Variants in SCFD2 observed in about 807,000 individuals in gnomAD.
SCFD2 encodes sec1 family domain containing 2, also known as sec1 family domain-containing protein 2.
Under a neutral mutation model 58.9 loss-of-function variants are expected in SCFD2, and 54 were observed. The ratio of observed to expected loss-of-function variants is 0.92; its 90% CI spans 0.74 to 1.15. The LOEUF is 1.15. Among genes scored for constraint, SCFD2 ranks in the 50% most tolerant of loss-of-function variants. The pLI is 0.00. For synonymous variants in SCFD2, 321 were observed against 335.9 expected (o/e 0.96, Z 0.49); for missense variants, 805 against 836.6 (o/e 0.96, Z 0.47).
intron 3 of SCFD2, among the ~76,000 whole-genome samples, chr4:53,308,052 T>C (rs1450287000): frequency 1.3e-5 from 2 of 152,172 alleles, no homozygotes; most frequent in Admixed American, 1.3e-4. Context: ...AGTGGGAGTT[T>C]AGATCTGAGA....
intron 5 of SCFD2, chr4:52,957,749 A>G (rs2109537299): frequency 6.6e-6 from 1 of 152,386 alleles, no homozygotes; most frequent in East Asian, 1.9e-4. Flanking sequence ...TTTTGTCCAG[A>G]GAGGCAAGAC....
chr4:53,205,969 C>T (rs1232227060), intron 4 of SCFD2, among the ~76,000 whole-genome samples: 1 of 151,932 alleles, frequency 6.6e-6, no homozygotes, highest in African/African-American at 2.4e-5. Context: ...AATCATAGAA[C>T]TTTACAACTC....
chr4:52,889,085 C>A (rs79105428), intron 7 of SCFD2, among the ~76,000 whole-genome samples: 5,930 of 152,226 alleles, frequency 0.039, 427 homozygotes, highest in African/African-American at 0.14. Context: ...TCCCAGATGA[C>A]GTTCTATTCA....
chr4:52,879,245 C>T (rs1257587006), intron 8 of SCFD2, among the ~76,000 whole-genome samples: 2 of 152,202 alleles, frequency 1.3e-5, no homozygotes, highest in Admixed American at 6.5e-5. Context: ...ACCTGCCCTG[C>T]ACCATCTACC....
intron 3 of SCFD2, among the ~76,000 whole-genome samples, chr4:53,280,334 G>A (rs1261851408): frequency 6.6e-6 from 1 of 152,104 alleles, no homozygotes; most frequent in Non-Finnish European, 1.5e-5. Flanking sequence ...TGGCCAACAT[G>A]GCGAAACCCC....
rs1317983754 is a variant in SCFD2 at position 53,203,537 on chromosome 4, G to A, written c.1312-57955C>T. ...AAGAAAAACAAAAAAAAGTTTTGTT[G>A]TTTTTTTATACATTAATAAACCCAC... On this transcript the variant is annotated intron_variant, in intron 4 of 8. Coordinates refer to ENST00000401642, the MANE Select transcript of SCFD2 (RefSeq NM_152540.4). Among the ~76,000 whole-genome samples the A allele has an allele frequency of 5.3e-5, 8 of 151,612 alleles. No individual in the cohort carries two copies. The East Asian group carries it at 1.4e-3, about 26-fold the overall frequency.
chr4:53,199,300 T>C lies in SCFD2; in HGVS notation c.1312-53718A>G, dbSNP rs1349311294. 5.9e-5 allele frequency among the ~76,000 whole-genome samples: 9 copies of C among 152,166 alleles called. No homozygotes were observed. In the East Asian group the frequency reaches 1.5e-3, roughly 26 times the overall value. ...CACCCTGACATACTACATAAAATGC[T>C]TGCTTATTTTCTTGCTTCTCTCCCT... On this transcript the variant is annotated intron_variant, in intron 4 of 8. Coordinates refer to ENST00000401642, the MANE Select transcript of SCFD2 (RefSeq NM_152540.4).
At chr4:52,908,833 G>A (rs752082448) in intron 6 of SCFD2, among the ~76,000 whole-genome samples, 1 of 152,160 alleles carries the variant, frequency 6.6e-6, no homozygotes, top group African/African-American at 2.4e-5. Context: ...CTCACTTGGG[G>A]ATACCAACCT....
chr4:52,876,056 C>T (rs1337200049), intron 8 of SCFD2, among the ~76,000 whole-genome samples: 1 of 151,808 alleles, frequency 6.6e-6, no homozygotes, highest in Non-Finnish European at 1.5e-5. Flanking sequence ...AGGTCTTCCT[C>T]ACCAAACCTA....
chr4:53,021,965 G>C (rs1056858416), intron 5 of SCFD2, among the ~76,000 whole-genome samples: 1 of 152,150 alleles, frequency 6.6e-6, no homozygotes, highest in Non-Finnish European at 1.5e-5. Flanking sequence ...CCAATGACTG[G>C]ATGCCAGCAT....
At chr4:52,913,482 C>A (rs1719534145) in intron 6 of SCFD2, among the ~76,000 whole-genome samples, 1 of 152,156 alleles carries the variant, frequency 6.6e-6, no homozygotes, top group South Asian at 2.1e-4. Context: ...GTCTCTGTCT[C>A]CCATCACCCG....
At position 53,344,523 on chromosome 4, in the gene SCFD2, C is replaced by T. The variant is rs548965028; in HGVS notation, c.1007+8075G>A. ...CAATATCACGAAAATGGCCATACTG[C>T]CCAAGGTAATTTATAGATTCAATGC... On this transcript the variant is annotated intron_variant, in intron 2 of 8. Coordinates refer to ENST00000401642, the MANE Select transcript of SCFD2 (RefSeq NM_152540.4). 2.8e-4 allele frequency among the ~76,000 whole-genome samples: 43 copies of T among 151,918 alleles called. No homozygotes were observed. In the South Asian group the frequency reaches 8.4e-3, roughly 30 times the overall value.
At chr4:52,892,774 G>C (rs1010277291) in intron 7 of SCFD2, among the ~76,000 whole-genome samples, 1 of 152,116 alleles carries the variant, frequency 6.6e-6, no homozygotes, top group Non-Finnish European at 1.5e-5. Context: ...ACATGATATA[G>C]CTGTGCTTTG....
At chr4:53,322,024 C>A (rs1442646420) in intron 2 of SCFD2, among the ~76,000 whole-genome samples, 1 of 152,162 alleles carries the variant, frequency 6.6e-6, no homozygotes, top group Non-Finnish European at 1.5e-5. Flanking sequence ...AGATTGAGAA[C>A]TTTGGGAAAG....
chr4:53,295,479 A>G (rs1181407721), intron 3 of SCFD2, among the ~76,000 whole-genome samples: 3 of 152,078 alleles, frequency 2.0e-5, no homozygotes, highest in Admixed American at 6.6e-5. Flanking sequence ...ATTTTTGCAG[A>G]TTGACTTTGT....
chr4:52,907,913 T>G (rs1719387074), intron 6 of SCFD2, among the ~76,000 whole-genome samples: 1 of 152,242 alleles, frequency 6.6e-6, no homozygotes, highest in Non-Finnish European at 1.5e-5. Context: ...TTATGTATAC[T>G]GAGAAACAAA....
chr4:53,254,012 T>C (rs921288230), intron 4 of SCFD2, among the ~76,000 whole-genome samples: 1 of 151,678 alleles, frequency 6.6e-6, no homozygotes, highest in African/African-American at 2.4e-5. Context: ...AAATACCACA[T>C]ATTCTCACTT....
At chr4:53,001,730 T>G (rs1297298665) in intron 5 of SCFD2, among the ~76,000 whole-genome samples, 3 of 152,232 alleles carry the variant, frequency 2.0e-5, no homozygotes, top group Admixed American at 2.0e-4. Context: ...AATATGTATA[T>G]GTTGGTATAT....
chr4:53,045,067 T>C (rs1723005340), intron 5 of SCFD2, among the ~76,000 whole-genome samples: 1 of 152,140 alleles, frequency 6.6e-6, no homozygotes, highest in African/African-American at 2.4e-5. Context: ...TGGACAATAG[T>C]AGGAGAATAG....
Sources: gnomAD v4.1 joint callset for allele counts (sites outside exome capture counted in the v4.1 genomes callset) on GRCh38, gnomAD v4.1.1 for gene constraint, MANE v1.5 for transcripts, NCBI Gene and HGNC (gene_info 2026-07-23, HGNC 2026-07-21) for gene names.